The following PMFBP1 variants were observed in gnomAD, a reference collection of about 807,000 sequenced individuals.
The protein encoded by PMFBP1 is polyamine-modulated factor 1-binding protein 1.
A neutral mutation model predicts 137.8 loss-of-function variants in PMFBP1; 131 were observed. The ratio of observed to expected loss-of-function variants is 0.95; its 90% CI spans 0.82 to 1.10. The LOEUF (loss-of-function observed/expected upper bound fraction) is 1.10. PMFBP1 is among the 50% of genes least tolerant of loss of function. The pLI is 0.00. For synonymous variants in PMFBP1, 490 were observed against 450.4 expected, an observed-to-expected ratio of 1.09 and a Z score of -1.11; for missense variants, 1,199 against 1,175.4, an observed-to-expected ratio of 1.02 and a Z score of -0.29.
chr16:72,239,015 A>G, the PMFBP1 span, among the ~76,000 whole-genome samples: 1 of 152,204 alleles, frequency 6.6e-6, no homozygotes, highest in Non-Finnish European at 1.5e-5. Context: ...TATACCCAAA[A>G]AAACAAAAAA....
intron 7 of PMFBP1, among the ~76,000 whole-genome samples, chr16:72,138,777 A>G (rs2042671033): frequency 6.6e-6 from 1 of 151,932 alleles, no homozygotes; most frequent in African/African-American, 2.4e-5. Context: ...TGGCCTCCCA[A>G]AGTTCTGGGG....
chr16:72,123,091 C>T, intron 18 of PMFBP1, 103 bp from the exon 19 acceptor site: 1 of 1,038,604 alleles, frequency 9.6e-7, no homozygotes, highest in Non-Finnish European at 1.4e-6. Flanking sequence ...AAGACTGCTG[C>T]TGCATCCCAC....
chr16:72,133,552 G>A (rs1009200004), intron 9 of PMFBP1, among the ~76,000 whole-genome samples: 1 of 152,100 alleles, frequency 6.6e-6, no homozygotes, highest in African/African-American at 2.4e-5. Context: ...GCAGTGGCAC[G>A]ATCGTAGCTC....
At chr16:72,168,373 T>C (rs2043175775) in intron 2 of PMFBP1, among the ~76,000 whole-genome samples, 1 of 152,218 alleles carries the variant, frequency 6.6e-6, no homozygotes, top group Non-Finnish European at 1.5e-5. Flanking sequence ...AAAGCCAATG[T>C]TTCTGGGGTC....
upstream of PMFBP1, among the ~76,000 whole-genome samples, chr16:72,179,609 G>A (rs1188074242): frequency 6.6e-6 from 1 of 152,050 alleles, no homozygotes; most frequent in South Asian, 2.1e-4. Flanking sequence ...AAAAAAGGCA[G>A]TTCTGAACAA....
chr16:72,125,020 C>T, intron 16 of PMFBP1, 86 bp from the exon 17 acceptor site: 1 of 1,514,658 alleles, frequency 6.6e-7, no homozygotes, highest in Non-Finnish European at 9.0e-7. Flanking sequence ...GCTTCCTGGG[C>T]CTTGGGATAC....
intron 7 of PMFBP1, among the ~76,000 whole-genome samples, chr16:72,138,099 T>TA (rs1027388074): frequency 9.2e-5 from 14 of 152,096 alleles, no homozygotes; most frequent in African/African-American, 3.4e-4. Context: ...TTTGTATCAC[T>TA]AAAAAAATGG....
chr16:72,241,683 C>T, the PMFBP1 span, among the ~76,000 whole-genome samples: 4 of 152,266 alleles, frequency 2.6e-5, 1 homozygote. Context: ...AGTAACATCC[C>T]TTCGCTTGTG....
intron 5 of PMFBP1, among the ~76,000 whole-genome samples, chr16:72,146,278 T>C (rs1446031848): frequency 6.6e-6 from 1 of 152,150 alleles, no homozygotes; most frequent in Admixed American, 6.5e-5. Context: ...AAAAACCACA[T>C]GATTACCTCA....
chr16:72,240,312 A>G, the PMFBP1 span, among the ~76,000 whole-genome samples: 4 of 152,384 alleles, frequency 2.6e-5, no homozygotes, highest in African/African-American at 9.6e-5. Context: ...ATACTTGAAT[A>G]TGACCAAATT....
intron 5 of PMFBP1, among the ~76,000 whole-genome samples, chr16:72,145,183 C>G (rs2042786287): frequency 6.6e-6 from 1 of 152,210 alleles, no homozygotes; most frequent in African/African-American, 2.4e-5. Context: ...CAAACTGTCT[C>G]TCAGACCACA....
At chr16:72,154,103 G>T in intron 4 of PMFBP1, 108 bp downstream of exon 4, 3 of 1,413,068 alleles carry the variant, frequency 2.1e-6, no homozygotes, top group Non-Finnish European at 2.9e-6. Context: ...ACCTGCTCGG[G>T]ATGTTGCAAA....
chr16:72,157,129 C>T (rs1226941333), intron 3 of PMFBP1, among the ~76,000 whole-genome samples: 1 of 134,734 alleles, frequency 7.4e-6, no homozygotes, highest in Non-Finnish European at 1.5e-5. Context: ...GCAGAGCTTG[C>T]AGTGAGACCA....
At chr16:72,183,512 T>C in the PMFBP1 span, among the ~76,000 whole-genome samples, 8 of 152,238 alleles carry the variant, frequency 5.3e-5, no homozygotes, top group Non-Finnish European at 2.9e-5. Context: ...CCTATGTGCA[T>C]GTCTGTCTCC....
chr16:72,223,339 T>G, the PMFBP1 span, among the ~76,000 whole-genome samples: 1 of 152,340 alleles, frequency 6.6e-6, no homozygotes, highest in East Asian at 1.9e-4. Flanking sequence ...TTTTTCATTT[T>G]GTTTTAATCT....
intron 5 of PMFBP1, among the ~76,000 whole-genome samples, chr16:72,146,812 T>G (rs2042814264): frequency 6.6e-6 from 1 of 152,122 alleles, no homozygotes. Flanking sequence ...GAATCCAACT[T>G]ACAAGGGATG....
chr16:72,244,125 A>C, the PMFBP1 span, among the ~76,000 whole-genome samples: 170 of 152,332 alleles, frequency 1.1e-3, 1 homozygote, highest in Non-Finnish European at 5.0e-4. Context: ...CAAATGCAGA[A>C]GAAATAAAAA....
chr16:72,181,248 A>AAT (rs1555548160), upstream of PMFBP1, among the ~76,000 whole-genome samples: 96 of 150,218 alleles, frequency 6.4e-4, no homozygotes, highest in African/African-American at 2.0e-3. Flanking sequence ...AAAAAAAAAA[A>AAT]AATAATAATA....
chr16:72,210,574 C>A, the PMFBP1 span, among the ~76,000 whole-genome samples: 1 of 141,648 alleles, frequency 7.1e-6, no homozygotes, highest in Admixed American at 6.7e-5. Flanking sequence ...GAGCAAGGAA[C>A]CCCCTCCTGC....
Sources: gnomAD v4.1 joint callset for allele counts (sites outside exome capture counted in the v4.1 genomes callset) on GRCh38, gnomAD v4.1.1 for gene constraint, MANE v1.5 for transcripts, NCBI Gene and HGNC (gene_info 2026-07-23, HGNC 2026-07-21) for gene names.